Variants in UMPS observed in about 807,000 individuals in gnomAD.
UMPS encodes the protein uridine 5'-monophosphate synthase.
In UMPS, 21 loss-of-function variants were observed where a neutral mutation model predicts 38.9. The observed-to-expected ratio is 0.54, with a 90% CI of 0.38 to 0.78. UMPS has a LOEUF of 0.78. Among genes scored for constraint, UMPS ranks in the 30% least tolerant of loss-of-function variants. UMPS has a pLI of 0.00. For missense variants in UMPS, 533 were observed against 591.6 expected, an observed-to-expected ratio of 0.90 and a Z score of 1.03; for synonymous variants, 208 against 219.3, an observed-to-expected ratio of 0.95 and a Z score of 0.45.
At position 124,735,107 on chromosome 3, in the gene UMPS, A is replaced by T; in HGVS notation, c.171A>T (p.Leu57Phe). 1 of 1,613,890 alleles carries T rather than the reference A, an allele frequency of 6.2e-7. No homozygotes were observed. The highest frequency in any genetic ancestry group is 8.5e-7 in the Non-Finnish European group (1 of 1,179,842). ...PRLLSQVADI[L>F]FQTAQNAGIS... ...TTTTCTTACAGGTTGCAGATATTTT[A>T]TTCCAAACTGCCCAAAATGCAGGCA... Residue 57 changes from leucine to phenylalanine, a missense_variant, in exon 2 of 6, where the codon TTA (leucine) becomes TTT (phenylalanine). Physicochemically the swap from Leu to Phe is conservative, Grantham distance 22 (BLOSUM62 0). Transcript: ENST00000232607.
At chr3:124,732,155 C>A (rs1462122992) in intron 1 of UMPS, among the ~76,000 whole-genome samples, 4 of 152,156 alleles carry the variant, frequency 2.6e-5, no homozygotes, top group Non-Finnish European at 4.4e-5. Context: ...ACTGCCCCTT[C>A]TTTTGCTTTA....
chr3:124,731,918 C>CT (rs897972224), intron 1 of UMPS, among the ~76,000 whole-genome samples: 20 of 151,390 alleles, frequency 1.3e-4, no homozygotes, highest in Non-Finnish European at 2.2e-4. Flanking sequence ...ACCTCAACCT[C>CT]TGAGTAGCTG....
At chr3:124,738,513 T>C (rs1215620484) in intron 3 of UMPS, 2 of 410,176 alleles carry the variant, frequency 4.9e-6, no homozygotes, top group Non-Finnish European at 9.1e-6. Flanking sequence ...CTTCATTAAC[T>C]AGCCTGGGCA....
chr3:124,742,214 C>T lies in UMPS; in HGVS notation c.1221C>T (p.Ser407=). Reference sequence around the variant, plus strand: ...GTTTTATTTCTGGCTCCCGAGTAAGCATGAAACCAGAATTTCTTCACTTGA... The same window carrying T: ...GTTTTATTTCTGGCTCCCGAGTAAGTATGAAACCAGAATTTCTTCACTTGA... ...VVGFISGSRV[S]MKPEFLHLTP... Residue 407 remains serine, a synonymous_variant, in exon 5 of 6, where the codon AGC becomes AGT. Transcript: ENST00000232607. The T allele has an allele frequency of 6.2e-7, 1 of 1,614,114 alleles. No homozygotes were observed. The highest frequency in any genetic ancestry group is 8.5e-7 in the Non-Finnish European group (1 of 1,180,026).
In UMPS at chr3:124,737,976, C is replaced by G. The variant is rs2063529360; in HGVS notation, c.719C>G (p.Ala240Gly). The G allele has an allele frequency of 6.2e-7, 1 of 1,614,158 alleles. No homozygotes were observed. Among genetic ancestry groups the G allele is most frequent in the African/African-American group, 1.3e-5 (1 of 75,036 alleles). Residue 240 changes from alanine (A) to glycine (G), a missense_variant, in exon 3 of 6, where the codon GCA becomes GGA. Ala to Gly is a moderately conservative substitution (Grantham distance 60). Transcript: ENST00000232607. ...RAELPRIHPV[A>G]SKLLRLMQKK... The stretch of plus-strand genomic sequence containing the variant: ...GAGCTGCCCAGGATCCACCCAGTTG[C>G]ATCGAAGCTTCTCAGGCTTATGCAA...
rs1279688773 is a variant in UMPS, at chr3:124,745,330, G to A, written c.*1246G>A. On this transcript the variant is annotated 3_prime_UTR_variant, in exon 6 of 6. Transcript: ENST00000232607. ...CATTTCCCCACCCTTGTCAGCTGATGGCCCACTGTTCTTTAATGACTCAGA... is the reference window on the plus strand; with the variant it reads ...CATTTCCCCACCCTTGTCAGCTGATAGCCCACTGTTCTTTAATGACTCAGA... 1.1e-5 allele frequency: 5 copies of A among 453,478 alleles called. No homozygotes were observed. The highest frequency in any genetic ancestry group is 6.2e-5 in the South Asian group (4 of 64,460). The allele number at this position is 453,478 out of a possible 1,614,324, so 28.1% of individuals were successfully genotyped here.
Position 124,744,367 on chromosome 3 carries a change from G to A in UMPS, c.*283G>A. ...CTGGGTTAGGGTCTTCCACATTTGAGGATCCTTCCTATCTCTCCATGGGAC... is the reference window on the plus strand; with the variant it reads ...CTGGGTTAGGGTCTTCCACATTTGAAGATCCTTCCTATCTCTCCATGGGAC... On this transcript the variant is annotated 3_prime_UTR_variant, in exon 6 of 6. Coordinates refer to ENST00000232607, the MANE Select transcript of UMPS (RefSeq NM_000373.4). The A allele has an allele frequency of 2.0e-6, 1 of 511,048 alleles. No individual in the cohort carries two copies. Among genetic ancestry groups the A allele is most frequent in the Non-Finnish European group, 3.8e-6 (1 of 264,532 alleles). 31.7% of individuals were successfully genotyped at this position (511,048 alleles called of 1,614,324 possible).
At chr3:124,732,813 GT>G (rs1328422462) in intron 1 of UMPS, among the ~76,000 whole-genome samples, 2 of 152,138 alleles carry the variant, frequency 1.3e-5, no homozygotes, top group Non-Finnish European at 2.9e-5. Context: ...TAAGGTTGCG[GT>G]ACTTTGGACC....
chr3:124,739,406 A>G (rs2063540784), intron 3 of UMPS, among the ~76,000 whole-genome samples: 1 of 152,108 alleles, frequency 6.6e-6, no homozygotes, highest in Non-Finnish European at 1.5e-5. Flanking sequence ...ATCTTGACTC[A>G]CTGCAACCTC....
intron 1 of UMPS, chr3:124,733,647 C>T (rs550318009): frequency 1.9e-4 from 32 of 172,698 alleles, no homozygotes; most frequent in Non-Finnish European, 2.2e-4. Context: ...TTTTGCACGA[C>T]GAGCTTCTTA....
chr3:124,740,254 G>A, intron 4 of UMPS, 55 bp downstream of exon 4: 1 of 1,516,040 alleles, frequency 6.6e-7, no homozygotes, highest in Non-Finnish European at 8.9e-7. Context: ...GCTGCATGCT[G>A]CAAGAAGATA....
Position 124,746,945 on chromosome 3 carries a change from C to T in UMPS, c.*2861C>T. On this transcript the variant is annotated 3_prime_UTR_variant, in exon 6 of 6. Transcript: ENST00000232607. ...TGTGGATCTCAGTCCCAACACTCAC[C>T]CTTGTGCTACTGAGTCAGCTCTAAG... 2.2e-6 allele frequency: 1 copy of T among 454,106 alleles called. No homozygotes were observed. The highest frequency in any genetic ancestry group is 4.4e-6 in the Non-Finnish European group (1 of 226,794). The allele number at this position is 454,106 out of a possible 1,614,324, so 28.1% of individuals were successfully genotyped here.
Position 124,738,202 on chromosome 3 carries a change from T to C in UMPS, c.945T>C (p.Phe315=), listed in dbSNP as rs1487789622. 9.9e-6 allele frequency: 16 copies of C among 1,614,018 alleles called. No individual in the cohort carries two copies. The highest frequency in any genetic ancestry group is 1.4e-5 in the Non-Finnish European group (16 of 1,180,042). The change falls in exon 3 of 6, where the codon TTT becomes TTC. Residue 315 remains phenylalanine, a synonymous_variant. Transcript: ENST00000232607. ...TCTTGATATTTGAAGACCGGAAGTTTGCAGATATAGGAAACACAGTGAAAA... is the reference window on the plus strand; with the variant it reads ...TCTTGATATTTGAAGACCGGAAGTTCGCAGATATAGGAAACACAGTGAAAA... ...HEFLIFEDRK[F]ADIGNTVKKQ...
At chr3:124,731,406 G>A (rs933260620) in intron 1 of UMPS, 71 of 286,984 alleles carry the variant, frequency 2.5e-4, no homozygotes, top group Non-Finnish European at 4.5e-4. Context: ...CTGACTAGCT[G>A]CCTCTCCCAT....
In UMPS at chr3:124,738,110, G is replaced by A; in HGVS notation, c.853G>A (p.Asp285Asn). 1 of 1,614,202 alleles carries A rather than the reference G, an allele frequency of 6.2e-7. No homozygotes were observed. The highest frequency in any genetic ancestry group is 2.2e-5 in the East Asian group (1 of 44,886). Residue 285 changes from aspartate to asparagine, a missense_variant, in exon 3 of 6, where the codon GAT (aspartate) becomes AAT (asparagine). Transcript: ENST00000232607. Reference protein sequence around the residue: ...PSICMLKTHVDILNDFTLDVM... With the variant: ...PSICMLKTHVNILNDFTLDVM... ...TATCTGCATGCTGAAGACTCATGTA[G>A]ATATTTTGAATGATTTTACTCTGGA...
At chr3:124,738,355 T>C (rs2063532692) in intron 3 of UMPS, 116 bp downstream of exon 3, 1 of 1,154,598 alleles carries the variant, frequency 8.7e-7, no homozygotes, top group Non-Finnish European at 1.3e-6. Context: ...TCAAGCGTGG[T>C]TGGATCCAGG....
At position 124,737,879 on chromosome 3, in the gene UMPS, G is replaced by A. The variant is rs1359864809; in HGVS notation, c.622G>A (p.Ala208Thr). 6.2e-7 allele frequency: 1 copy of A among 1,614,204 alleles called. No homozygotes were observed. Among genetic ancestry groups the A allele is most frequent in the Non-Finnish European group, 8.5e-7 (1 of 1,180,030 alleles). ...KRFIQENVFV[A>T]ANHNGSPLSI... Reference sequence around the variant, plus strand: ...GTTTATTCAGGAGAATGTCTTTGTGGCAGCGAATCATAATGGTTCTCCCCT... The same window carrying A: ...GTTTATTCAGGAGAATGTCTTTGTGACAGCGAATCATAATGGTTCTCCCCT... Residue 208 changes from alanine (A) to threonine (T), a missense_variant, in exon 3 of 6, where the codon GCA (alanine) becomes ACA (threonine). Coordinates refer to ENST00000232607, the MANE Select transcript of UMPS (RefSeq NM_000373.4).
At chr3:124,743,659 T>A (rs888755797) in intron 5 of UMPS, among the ~76,000 whole-genome samples, 14 of 123,514 alleles carry the variant, frequency 1.1e-4, no homozygotes, top group East Asian at 2.4e-4. Context: ...TAAATAAAAA[T>A]AAATAAATAA....
At chr3:124,734,231 A>G (rs1357704961) in intron 1 of UMPS, among the ~76,000 whole-genome samples, 2 of 152,134 alleles carry the variant, frequency 1.3e-5, no homozygotes, top group Non-Finnish European at 2.9e-5. Flanking sequence ...GATCTAGTTC[A>G]CAAAGCAACT....
Sources: allele counts gnomAD v4.1 joint callset (sites outside exome capture counted in the v4.1 genomes callset), GRCh38; gene constraint gnomAD v4.1.1; transcripts MANE v1.5; gene names NCBI Gene and HGNC (gene_info 2026-07-23, HGNC 2026-07-21).